C2CD2L: variants seen among roughly 807,000 people sequenced by gnomAD.
The protein encoded by C2CD2L is C2CD2 like, also known as phospholipid transfer protein C2CD2L.
C2CD2L carries 24 observed loss-of-function variants against 69.9 expected under a neutral mutation model. The observed-to-expected ratio is 0.34, with a 90% CI of 0.25 to 0.48. The LOEUF (loss-of-function observed/expected upper bound fraction) is 0.48. Among genes scored for constraint, C2CD2L ranks in the 20% least tolerant of loss-of-function variants. The pLI, the probability that C2CD2L is intolerant of heterozygous loss-of-function variation, is 0.99. For synonymous variants in C2CD2L, 367 were observed against 391.0 expected (o/e 0.94, Z 0.72); for missense variants, 811 against 941.5 (o/e 0.86, Z 1.81).
chr11:119,104,582 T>C (rs893568406), upstream of C2CD2L, among the ~76,000 whole-genome samples: 15 of 152,246 alleles, frequency 9.9e-5, no homozygotes, highest in South Asian at 4.1e-4. Context: ...GACTTTTGGC[T>C]TCACTTGAAA....
In C2CD2L at chr11:119,109,251, T is replaced by C. The variant is rs1946672557; in HGVS notation, c.355-853T>C. On this transcript the variant is annotated intron_variant, in intron 1 of 13. Coordinates refer to ENST00000648610, the MANE Select transcript of C2CD2L (RefSeq NM_001290474.2). The surrounding 1 kb of genome is among the most constrained non-coding windows in gnomAD (Gnocchi z 5.1). Reference sequence around the variant, plus strand: ...CCTGGTTTGCCAAGCAAATGAACCCTATGGATTTGTTTCCTCCATCTCAAG... The same window carrying C: ...CCTGGTTTGCCAAGCAAATGAACCCCATGGATTTGTTTCCTCCATCTCAAG... 1.3e-5 allele frequency among the ~76,000 whole-genome samples: 2 copies of C among 152,244 alleles called. No individual in the cohort carries two copies. Among genetic ancestry groups the C allele is most frequent in the African/African-American group, 4.8e-5 (2 of 41,458 alleles).
At position 119,110,433 on chromosome 11, in the gene C2CD2L, T is replaced by C; in HGVS notation, c.451-128T>C. The C allele has an allele frequency of 8.8e-7, 1 of 1,134,678 alleles. No individual in the cohort carries two copies. Among genetic ancestry groups the C allele is most frequent in the Non-Finnish European group, 1.2e-6 (1 of 820,080 alleles). 70.3% of individuals were successfully genotyped at this position (1,134,678 alleles called of 1,614,324 possible). A position where few individuals can be genotyped will look rare whatever the true frequency, so the allele number is the denominator to read the frequency against. On this transcript the variant is annotated intron_variant, in intron 2 of 13. Coordinates refer to ENST00000648610, the MANE Select transcript of C2CD2L (RefSeq NM_001290474.2). The surrounding 1 kb of genome is among the most constrained non-coding windows in gnomAD (Gnocchi z 5.7). Reference sequence around the variant, plus strand: ...GCATTTATCTGATTCTTTTAGGGATTTATGATCCTGAAAACATGAAGTCCT... The same window carrying C: ...GCATTTATCTGATTCTTTTAGGGATCTATGATCCTGAAAACATGAAGTCCT...
rs1391489418 is a variant in C2CD2L at position 119,110,507 on chromosome 11, T to A, written c.451-54T>A. On this transcript the variant is annotated intron_variant, in intron 2 of 13. Transcript: ENST00000648610. The surrounding 1 kb of genome is among the most constrained non-coding windows in gnomAD (Gnocchi z 5.7). ...GTCTGCTGAACTATTACAGGGCAGT[T>A]CAAAGCAGGGTGAGCACCCTTCCCC... 2.7e-5 allele frequency: 43 copies of A among 1,579,700 alleles called. No individual in the cohort carries two copies. The highest frequency in any genetic ancestry group is 3.4e-6 in the Non-Finnish European group (4 of 1,167,886).
chr11:119,102,377 TA>T (rs1374476771), upstream of C2CD2L: 1 of 469,390 alleles, frequency 2.1e-6, no homozygotes, highest in Admixed American at 2.4e-5. Flanking sequence ...GAAGCCAAGG[TA>T]AACACAACTC....
intron 13 of C2CD2L, chr11:119,115,004 C>T (rs1946849168): frequency 6.7e-6 from 1 of 148,356 alleles, no homozygotes; most frequent in Non-Finnish European, 1.5e-5. Flanking sequence ...TGCCTGTAAT[C>T]CTAGCACTTT....
Position 119,116,314 on chromosome 11 carries a change from T to G in C2CD2L, c.*58T>G. 11 of 1,331,594 alleles carry G rather than the reference T, an allele frequency of 8.3e-6. No individual in the cohort carries two copies. Among genetic ancestry groups the G allele is most frequent in the South Asian group, 1.2e-5 (1 of 83,934 alleles). 82.5% of individuals were successfully genotyped at this position (1,331,594 alleles called of 1,614,324 possible). ...AGCCCATTCCCCACCTCCCCTTCCATACCCCTTCCTGGATCTCCAGTGCCT... is the reference window on the plus strand; with the variant it reads ...AGCCCATTCCCCACCTCCCCTTCCAGACCCCTTCCTGGATCTCCAGTGCCT... On this transcript the variant is annotated 3_prime_UTR_variant, in exon 14 of 14. Coordinates refer to ENST00000648610, the MANE Select transcript of C2CD2L (RefSeq NM_001290474.2).
chr11:119,104,400 T>C (rs1592232441), upstream of C2CD2L, among the ~76,000 whole-genome samples: 1 of 151,894 alleles, frequency 6.6e-6, no homozygotes, highest in Non-Finnish European at 1.5e-5. Flanking sequence ...CTGGGGAGGG[T>C]GGAAGGATGT....
At chr11:119,105,301 C>G (rs756547577), upstream of C2CD2L, among the ~76,000 whole-genome samples, 2 of 152,128 alleles carry the variant, frequency 1.3e-5, no homozygotes, top group African/African-American at 2.4e-5. Context: ...CAGCTAGACT[C>G]TAAGGCAGAA....
At chr11:119,111,430 C>G in intron 6 of C2CD2L, 56 bp downstream of exon 6, 1 of 1,583,254 alleles carries the variant, frequency 6.3e-7, no homozygotes. Context: ...TGCAGATGCT[C>G]TCTGCCCCTC....
upstream of C2CD2L, among the ~76,000 whole-genome samples, chr11:119,103,070 T>C (rs2134924184): frequency 6.6e-6 from 1 of 151,810 alleles, no homozygotes; most frequent in South Asian, 2.1e-4. Context: ...TTTGTATTTT[T>C]AGTAGAGACG....
chr11:119,110,929 C>G lies in C2CD2L; in HGVS notation c.653C>G (p.Thr218Arg), dbSNP rs761928272. The change falls in exon 4 of 14, where the codon ACG becomes AGG. Residue 218 changes from threonine to arginine, a missense_variant. Physicochemically the swap from Thr to Arg is moderately conservative, Grantham distance 71. Coordinates refer to ENST00000648610, the MANE Select transcript of C2CD2L (RefSeq NM_001290474.2). This position sits in a 1 kb window ranked among gnomAD's most constrained non-coding sequence, Gnocchi z 5.7. The stretch of plus-strand genomic sequence containing the variant: ...ACTGATCGCCCAGATCTCAGCCTAA[C>G]GGTGCTTCCCAAGCTTCAGGCCAGG... The part of the protein sequence containing the change: ...AFTDRPDLSL[T>R]VLPKLQARER... 6.2e-7 allele frequency: 1 copy of G among 1,614,180 alleles called. No homozygotes were observed. Among genetic ancestry groups the G allele is most frequent in the South Asian group, 1.1e-5 (1 of 91,086 alleles).
Position 119,118,489 on chromosome 11 carries a change from G to A in C2CD2L, c.*2233G>A, listed in dbSNP as rs1946944322. On this transcript the variant is annotated 3_prime_UTR_variant, in exon 14 of 14. Transcript: ENST00000648610. ...GTGTGTGTTGGGCGATGATAATGAT[G>A]TCCATTGCTGTGTGACAGCTTGGAA... 6.6e-6 allele frequency: 1 copy of A among 152,368 alleles called. No homozygotes were observed. Among genetic ancestry groups the A allele is most frequent in the African/African-American group, 2.4e-5 (1 of 41,442 alleles). The allele number at this position is 152,368 out of a possible 1,614,324, so 9.4% of individuals were successfully genotyped here.
chr11:119,108,152 C>A, intron 1 of C2CD2L, 57 bp downstream of exon 1: 2 of 1,237,008 alleles, frequency 1.6e-6, no homozygotes, highest in Non-Finnish European at 2.3e-6. Flanking sequence ...AGGGGAGGGA[C>A]TGACTGCTCG....
rs746277422 is a variant in C2CD2L, at chr11:119,114,407, T to C, written c.1909+42T>C. On this transcript the variant is annotated intron_variant, in intron 13 of 13. Transcript: ENST00000648610. This position sits in a 1 kb window ranked among gnomAD's most constrained non-coding sequence, Gnocchi z 5.1. ...AGGGTGCCCCTCATCTCTTCTTTTA[T>C]ACACATATCATGACCTGGGGGACCT... 8.1e-6 allele frequency: 13 copies of C among 1,595,762 alleles called. No homozygotes were observed. The Admixed American group carries it at 1.8e-4, about 23-fold the overall frequency.
chr11:119,103,953 C>T (rs375273037), upstream of C2CD2L, among the ~76,000 whole-genome samples: 6 of 152,262 alleles, frequency 3.9e-5, no homozygotes, highest in African/African-American at 1.4e-4. Context: ...AGGGTGTCCC[C>T]ATGGGGCTAG....
At chr11:119,103,514 C>T (rs1015123436), upstream of C2CD2L, among the ~76,000 whole-genome samples, 3 of 152,186 alleles carry the variant, frequency 2.0e-5, no homozygotes, top group Admixed American at 6.5e-5. Flanking sequence ...CTGGCCAACA[C>T]GGTGAAACCC....
chr11:119,116,022 CA>C (rs1473242103), intron 13 of C2CD2L, 22 bp from the exon 14 acceptor site: 7 of 1,610,936 alleles, frequency 4.3e-6, no homozygotes, highest in Non-Finnish European at 5.9e-6. Context: ...CTCTCTGCCT[CA>C]GCTTCCCCTC....
chr11:119,110,581 T>C lies in C2CD2L; in HGVS notation c.471T>C (p.Ser157=), dbSNP rs1450323159. The part of the protein sequence containing the change: ...EHTMVLRCQL[S]AEEVRFPVSV... ...CTCAGGTGCTGCGTTGCCAGCTCTC[T>C]GCTGAGGAGGTGCGGTTCCCAGTCT... The change falls in exon 3 of 14, where the codon TCT becomes TCC. Residue 157 remains serine, a synonymous_variant. Coordinates refer to ENST00000648610, the MANE Select transcript of C2CD2L (RefSeq NM_001290474.2). The surrounding 1 kb of genome is among the most constrained non-coding windows in gnomAD (Gnocchi z 5.7). The C allele has an allele frequency of 2.5e-6, 4 of 1,609,884 alleles. No homozygotes were observed. The highest frequency in any genetic ancestry group is 3.4e-6 in the Non-Finnish European group (4 of 1,179,258).
In C2CD2L at chr11:119,112,522, C is replaced by G. The variant is rs1946773950; in HGVS notation, c.1125C>G (p.Pro375=). 3 of 1,613,630 alleles carry G rather than the reference C, an allele frequency of 1.9e-6. No individual in the cohort carries two copies. The highest frequency in any genetic ancestry group is 1.3e-5 in the African/African-American group (1 of 74,896). The change falls in exon 9 of 14, where the codon CCC becomes CCG. Residue 375 remains proline, a synonymous_variant. Coordinates refer to ENST00000648610, the MANE Select transcript of C2CD2L (RefSeq NM_001290474.2). Reference sequence around the variant, plus strand: ...AGGCCACACTGCCTGTGGGCTCCCCCTCCAGACCACTGTCTCGAAGACAGT... The same window carrying G: ...AGGCCACACTGCCTGTGGGCTCCCCGTCCAGACCACTGTCTCGAAGACAGT... ...LGQATLPVGS[P]SRPLSRRQLC... is the part of the protein sequence containing the mutation.
Sources: allele counts gnomAD v4.1 joint callset (sites outside exome capture counted in the v4.1 genomes callset), GRCh38; gene constraint gnomAD v4.1.1; non-coding constraint Gnocchi (gnomAD v3.1); transcripts MANE v1.5; gene names NCBI Gene and HGNC (gene_info 2026-07-23, HGNC 2026-07-21).